ATG5: variants seen among roughly 807,000 people sequenced by gnomAD.
ATG5 encodes the protein autophagy protein 5.
Under a neutral mutation model 36.5 loss-of-function variants are expected in ATG5, and 14 were observed. The ratio of observed to expected loss-of-function variants is 0.38; its 90% CI spans 0.25 to 0.60. The LOEUF (loss-of-function observed/expected upper bound fraction) is 0.60. ATG5 is among the 20% of genes least tolerant of loss of function. ATG5 has a pLI of 0.60. For missense variants in ATG5, 195 were observed against 326.7 expected, an observed-to-expected ratio of 0.60 and a Z score of 3.11; for synonymous variants, 95 against 101.5, an observed-to-expected ratio of 0.94 and a Z score of 0.38.
chr6:106,272,979 G>C (rs892975318), intron 5 of ATG5, among the ~76,000 whole-genome samples: 4 of 152,172 alleles, frequency 2.6e-5, no homozygotes, highest in Non-Finnish European at 2.9e-5. Context: ...TAACAGATGA[G>C]ACTGAGTGAC....
chr6:106,290,515 C>A (rs1780263921), intron 4 of ATG5, among the ~76,000 whole-genome samples: 1 of 151,626 alleles, frequency 6.6e-6, no homozygotes, highest in South Asian at 2.1e-4. Flanking sequence ...GAGATGGGGT[C>A]TACGTTGCCC....
At chr6:106,253,577 AT>A in intron 5 of ATG5, among the ~76,000 whole-genome samples, 1 of 152,290 alleles carries the variant, frequency 6.6e-6, no homozygotes, top group Middle Eastern at 3.4e-3. Context: ...ATCAATATAT[AT>A]TTAGACTGCA....
intron 6 of ATG5, among the ~76,000 whole-genome samples, chr6:106,218,263 T>C (rs953777007): frequency 8.5e-5 from 13 of 152,180 alleles, no homozygotes; most frequent in Non-Finnish European, 1.3e-4. Context: ...AACCAAACTA[T>C]AGAAAAGAGT....
chr6:106,238,106 T>C (rs1562229597), intron 6 of ATG5, among the ~76,000 whole-genome samples: 2 of 152,240 alleles, frequency 1.3e-5, no homozygotes. Context: ...TTTTAAGCAC[T>C]AAGCATCCAT....
At chr6:106,306,507 G>C (rs1770451553) in intron 3 of ATG5, among the ~76,000 whole-genome samples, 1 of 152,288 alleles carries the variant, frequency 6.6e-6, no homozygotes. Flanking sequence ...GAAGAGGCCA[G>C]AGCTGCTGTT....
At chr6:106,218,702 T>C (rs1459821310) in intron 6 of ATG5, among the ~76,000 whole-genome samples, 1 of 152,166 alleles carries the variant, frequency 6.6e-6, no homozygotes, top group East Asian at 1.9e-4. Context: ...CTGCAATACA[T>C]AAGCAGACGT....
intron 6 of ATG5, among the ~76,000 whole-genome samples, chr6:106,213,549 G>T (rs1214026110): frequency 1.3e-5 from 2 of 152,046 alleles, no homozygotes; most frequent in East Asian, 1.9e-4. Flanking sequence ...TTTAAATAGA[G>T]AAAGAGATAA....
chr6:106,248,895 G>A (rs1048670400), intron 5 of ATG5, among the ~76,000 whole-genome samples: 7 of 152,080 alleles, frequency 4.6e-5, no homozygotes, highest in Non-Finnish European at 7.4e-5. Flanking sequence ...CCGAGATCAC[G>A]CCATTGCACT....
At chr6:106,240,285 T>C (rs1432126440) in intron 6 of ATG5, among the ~76,000 whole-genome samples, 1 of 149,990 alleles carries the variant, frequency 6.7e-6, no homozygotes, top group Non-Finnish European at 1.5e-5. Flanking sequence ...TATTTTGCAA[T>C]GTGTTTGACG....
At chr6:106,291,017 T>A (rs1780285668) in intron 4 of ATG5, among the ~76,000 whole-genome samples, 2 of 152,214 alleles carry the variant, frequency 1.3e-5, no homozygotes, top group African/African-American at 4.8e-5. Context: ...CAAGAAAATG[T>A]CTAACAAATA....
chr6:106,198,877 G>C (rs537590392), intron 7 of ATG5, among the ~76,000 whole-genome samples: 1 of 151,924 alleles, frequency 6.6e-6, no homozygotes, highest in Non-Finnish European at 1.5e-5. Context: ...TAAAGAACTT[G>C]TATCCAGAAT....
rs76358362 is a variant in ATG5 at position 106,293,746 on chromosome 6, A to G, written c.237-640T>C. Reference sequence around the variant, plus strand: ...AAAAAAATAAGTTCCAAAATAAGAGAACATTTCCTAATATAACCATTACCC... The same window carrying G: ...AAAAAAATAAGTTCCAAAATAAGAGGACATTTCCTAATATAACCATTACCC... On this transcript the variant is annotated intron_variant, in intron 3 of 7. Coordinates refer to ENST00000369076, the MANE Select transcript of ATG5 (RefSeq NM_004849.4). Among the ~76,000 whole-genome samples, 1,393 of 152,338 alleles carry G rather than the reference A, an allele frequency of 9.1e-3. 21 individuals are homozygous for G. Among genetic ancestry groups the G allele is most frequent in the African/African-American group, 0.032 (1,339 of 41,576 alleles).
chr6:106,295,412 A>G (rs1769880324), intron 3 of ATG5, among the ~76,000 whole-genome samples: 1 of 152,246 alleles, frequency 6.6e-6, no homozygotes. Context: ...AATCTATTAG[A>G]TAAGATTCAC....
chr6:106,315,911 T>C (rs1158891065), intron 2 of ATG5, among the ~76,000 whole-genome samples, 190 bp downstream of exon 2: 1 of 152,234 alleles, frequency 6.6e-6, no homozygotes, highest in Non-Finnish European at 1.5e-5. Context: ...ACAGTGGTTT[T>C]GTCCTCTGAG....
chr6:106,287,113 G>A (rs143790520), intron 4 of ATG5, among the ~76,000 whole-genome samples: 373 of 152,260 alleles, frequency 2.4e-3, no homozygotes, highest in African/African-American at 8.5e-3. Flanking sequence ...ATTTATAGCT[G>A]GGAAGTGCAG....
In ATG5 at chr6:106,296,647, A is replaced by G. The variant is rs1360487531; in HGVS notation, c.237-3541T>C. 2.6e-5 allele frequency among the ~76,000 whole-genome samples: 4 copies of G among 152,156 alleles called. No individual in the cohort carries two copies. The South Asian group carries it at 6.2e-4, about 24-fold the overall frequency. On this transcript the variant is annotated intron_variant, in intron 3 of 7. Transcript: ENST00000369076. ...AGGCTGACCAATAAGGTGAAACCCC[A>G]TCTCTACTAACAATACAAAAATTAG...
chr6:106,262,575 A>G (rs1295055431), intron 5 of ATG5, among the ~76,000 whole-genome samples: 1 of 152,214 alleles, frequency 6.6e-6, no homozygotes, highest in Non-Finnish European at 1.5e-5. Flanking sequence ...AGATGGCTGA[A>G]TAGGAAAAGT....
At chr6:106,296,515 A>G (rs1303630333) in intron 3 of ATG5, among the ~76,000 whole-genome samples, 1 of 152,194 alleles carries the variant, frequency 6.6e-6, no homozygotes, top group African/African-American at 2.4e-5. Flanking sequence ...ATCTTTCAAT[A>G]AAGTGTAAAA....
At chr6:106,189,840 C>T (rs1043987570) in intron 7 of ATG5, among the ~76,000 whole-genome samples, 1 of 151,914 alleles carries the variant, frequency 6.6e-6, no homozygotes, top group African/African-American at 2.4e-5. Context: ...TATGCCTCTC[C>T]CACTCAGGTT....
Sources: gnomAD v4.1 joint callset for allele counts (sites outside exome capture counted in the v4.1 genomes callset) on GRCh38, gnomAD v4.1.1 for gene constraint, MANE v1.5 for transcripts, NCBI Gene and HGNC (gene_info 2026-07-23, HGNC 2026-07-21) for gene names.